UACA: variants seen among roughly 807,000 people sequenced by gnomAD.
UACA encodes nuclear membrane binding protein.
UACA carries 112 observed loss-of-function variants against 160.5 expected under a neutral mutation model. That is an observed-to-expected ratio of 0.70 (90% CI 0.60 to 0.82). The LOEUF (loss-of-function observed/expected upper bound fraction) is 0.82, where lower values mean the gene tolerates loss of function less well. Among genes scored for constraint, UACA ranks in the 40% least tolerant of loss-of-function variants. UACA has a pLI of 0.00. For synonymous variants in UACA, 557 were observed against 568.4 expected, an observed-to-expected ratio of 0.98 and a Z score of 0.29; for missense variants, 1,574 against 1,614.6, an observed-to-expected ratio of 0.97 and a Z score of 0.43.
rs2140871042 is a variant in UACA, at chr15:70,655,372, C to T, written c.*1684G>A. 1 of 152,328 alleles carries T rather than the reference C, an allele frequency of 6.6e-6. No homozygotes were observed. 9.4% of individuals were successfully genotyped at this position (152,328 alleles called of 1,614,324 possible). A position where few individuals can be genotyped will look rare whatever the true frequency, so the allele number is the denominator to read the frequency against. On this transcript the variant is annotated 3_prime_UTR_variant, in exon 19 of 19. Coordinates refer to ENST00000322954, the MANE Select transcript of UACA (RefSeq NM_018003.4). The stretch of plus-strand genomic sequence containing the variant: ...CCTCCCGAGTACCTGGGACTACAGG[C>T]ACCTGCCACCATGCAGGGCTAATTT...
intron 5 of UACA, among the ~76,000 whole-genome samples, 168 bp downstream of exon 5, chr15:70,690,286 C>G (rs1472348902): frequency 2.0e-5 from 3 of 152,016 alleles, no homozygotes; most frequent in Non-Finnish European, 4.4e-5. Context: ...CTGAATGAAT[C>G]TTTTTAAGCG....
At chr15:70,707,186 A>G (rs888649017) in intron 1 of UACA, among the ~76,000 whole-genome samples, 2 of 152,216 alleles carry the variant, frequency 1.3e-5, no homozygotes, top group African/African-American at 4.8e-5. Context: ...CAATAGAGAA[A>G]GAACAATCTC....
chr15:70,766,721 A>C (rs1470819726), upstream of UACA, among the ~76,000 whole-genome samples: 1 of 152,190 alleles, frequency 6.6e-6, no homozygotes, highest in Non-Finnish European at 1.5e-5. Flanking sequence ...GTATTTAGGG[A>C]AGGAAAAGAT....
intron 1 of UACA, among the ~76,000 whole-genome samples, chr15:70,713,213 C>T (rs964225663): frequency 6.6e-6 from 1 of 152,054 alleles, no homozygotes; most frequent in Non-Finnish European, 1.5e-5. Context: ...TAGCCGCGCG[C>T]GGTGGCCGGC....
At chr15:70,662,466 C>T (rs1022819658) in intron 17 of UACA, among the ~76,000 whole-genome samples, 19 of 152,146 alleles carry the variant, frequency 1.2e-4, no homozygotes, top group Non-Finnish European at 2.6e-4. Flanking sequence ...AATGCCATCC[C>T]CATCAAGCTA....
At chr15:70,755,981 C>A (rs957802636) in intron 1 of UACA, among the ~76,000 whole-genome samples, 4 of 152,116 alleles carry the variant, frequency 2.6e-5, no homozygotes, top group Admixed American at 1.3e-4. Flanking sequence ...CTCTATGTGC[C>A]CCCACAGCAA....
At chr15:70,769,336 CT>C in the UACA span, among the ~76,000 whole-genome samples, 6 of 59,906 alleles carry the variant, frequency 1.0e-4, no homozygotes, top group Non-Finnish European at 9.4e-5. Context: ...GAGACTCCGA[CT>C]CAAAAAAAAA....
At chr15:70,665,911 A>G (rs1034899251) in intron 16 of UACA, among the ~76,000 whole-genome samples, 6 of 152,224 alleles carry the variant, frequency 3.9e-5, no homozygotes, top group South Asian at 4.1e-4. Context: ...GCCAATCTTT[A>G]TATGTCATAT....
At chr15:70,753,421 CT>C (rs1371885102) in intron 1 of UACA, among the ~76,000 whole-genome samples, 4 of 152,310 alleles carry the variant, frequency 2.6e-5, no homozygotes, top group African/African-American at 9.6e-5. Flanking sequence ...TGCCTCCTCT[CT>C]CCCCTTCTCC....
chr15:70,762,971 G>A (rs1253693199), intron 1 of UACA, among the ~76,000 whole-genome samples: 3 of 148,420 alleles, frequency 2.0e-5, no homozygotes, highest in African/African-American at 7.7e-5. Context: ...GGCGAGCGCC[G>A]GGAGAGGAGA....
intron 1 of UACA, among the ~76,000 whole-genome samples, chr15:70,747,244 T>G (rs1899736121): frequency 6.8e-6 from 1 of 146,972 alleles, no homozygotes; most frequent in Non-Finnish European, 1.5e-5. Flanking sequence ...TTTTTGGGTT[T>G]TTTTTTTTTT....
rs767347929 is a variant in UACA, at chr15:70,668,338, C to A, written c.2346G>T (p.Met782Ile). ...TQKYTEKKLE[M>I]EKLLLENDSL... ...TGTCATTTTCCAGTAGCAATTTCTC[C>A]ATTTCCAACTTCTTTTCTGTATATT... is the stretch of plus-strand genomic sequence containing the variant. Residue 782 changes from methionine (M) to isoleucine (I), a missense_variant, in exon 16 of 19, where the codon ATG becomes ATT. Physicochemically the swap from Met to Ile is conservative, Grantham distance 10. Transcript: ENST00000322954. The A allele has an allele frequency of 1.2e-6, 2 of 1,610,046 alleles. No homozygotes were observed. The highest frequency in any genetic ancestry group is 2.2e-5 in the South Asian group (2 of 89,692).
Position 70,668,760 on chromosome 15 carries a change from C to T in UACA, c.1924G>A (p.Glu642Lys), listed in dbSNP as rs1897029577. 1 of 1,613,752 alleles carries T rather than the reference C, an allele frequency of 6.2e-7. No individual in the cohort carries two copies. Among genetic ancestry groups the T allele is most frequent in the African/African-American group, 1.3e-5 (1 of 74,906 alleles). ...FENMKSSLSN[E>K]VNEKAKKLVE... The stretch of plus-strand genomic sequence containing the variant: ...AATTTTTTTGCTTTCTCATTCACTT[C>T]ATTTGATAATGAGCTCTTCATGTTT... Residue 642 changes from glutamate to lysine, a missense_variant, in exon 16 of 19, where the codon GAA (glutamate) becomes AAA (lysine). Physicochemically the swap from Glu to Lys is moderately conservative, Grantham distance 56. Coordinates refer to ENST00000322954, the MANE Select transcript of UACA (RefSeq NM_018003.4).
intron 9 of UACA, chr15:70,680,034 TAA>T (rs11333471): frequency 2.6e-3 from 369 of 141,582 alleles, no homozygotes; most frequent in Non-Finnish European, 2.9e-3. Flanking sequence ...GAACTCAACT[TAA>T]AAAAAAAAAA....
chr15:70,661,536 A>G (rs1896705515), intron 17 of UACA: 1 of 152,206 alleles, frequency 6.6e-6, no homozygotes, highest in South Asian at 2.1e-4. Context: ...AATAAACACT[A>G]AAAAAGAAAC....
intron 1 of UACA, chr15:70,702,173 ACTC>A: frequency 8.1e-7 from 1 of 1,237,124 alleles, no homozygotes; most frequent in African/African-American, 1.6e-5. Flanking sequence ...AGGTACAGTA[ACTC>A]TATCTATTTC....
In UACA at chr15:70,655,102, A is replaced by T. The variant is rs1195162097; in HGVS notation, c.*1954T>A. The stretch of plus-strand genomic sequence containing the variant: ...AATCTTTTACAAGGATGTTCAAAAC[A>T]ATATTCTAGAGAAAACTTTATTGAT... On this transcript the variant is annotated 3_prime_UTR_variant, in exon 19 of 19. Transcript: ENST00000322954. 3.3e-5 allele frequency: 5 copies of T among 152,268 alleles called. No individual in the cohort carries two copies. In the South Asian group the frequency reaches 1.0e-3, roughly 31 times the overall value. The allele number at this position is 152,268 out of a possible 1,614,324, so 9.4% of individuals were successfully genotyped here. A position where few individuals can be genotyped will look rare whatever the true frequency, so the allele number is the denominator to read the frequency against.
At chr15:70,722,606 T>C (rs1206722853) in intron 1 of UACA, among the ~76,000 whole-genome samples, 2 of 152,168 alleles carry the variant, frequency 1.3e-5, no homozygotes, top group African/African-American at 4.8e-5. Flanking sequence ...AAACCACCAT[T>C]AAAACAGTAA....
intron 2 of UACA, 127 bp from the exon 3 acceptor site, chr15:70,695,232 A>G: frequency 7.1e-6 from 4 of 560,972 alleles, no homozygotes; most frequent in Non-Finnish European, 1.2e-5. Context: ...TAAAGGCTAC[A>G]TTAGAACACC....
Sources: gnomAD v4.1 joint callset for allele counts (sites outside exome capture counted in the v4.1 genomes callset) on GRCh38, gnomAD v4.1.1 for gene constraint, MANE v1.5 for transcripts, NCBI Gene and HGNC (gene_info 2026-07-23, HGNC 2026-07-21) for gene names.